FRMPD4: variants seen among roughly 807,000 people sequenced by gnomAD.
The protein encoded by FRMPD4 is FERM and PDZ domain-containing protein 4.
FRMPD4 carries 22 observed loss-of-function variants against 94.1 expected under a neutral mutation model. The observed-to-expected ratio is 0.23, with a 90% CI of 0.17 to 0.33. FRMPD4 has a LOEUF of 0.33. FRMPD4 is among the 10% of genes least tolerant of loss of function. The pLI is 1.00. For synonymous variants in FRMPD4, 631 were observed against 548.6 expected, an observed-to-expected ratio of 1.15 and a Z score of -2.10; for missense variants, 1,111 against 1,339.9, an observed-to-expected ratio of 0.83 and a Z score of 2.67.
At chrX:12,720,080 A>AAGAAAGAAAGAG (rs1555898504) in intron 16 of FRMPD4, among the ~76,000 whole-genome samples, 13 of 74,630 alleles carry the variant, frequency 1.7e-4, no homozygotes, top group African/African-American at 7.0e-4. Flanking sequence ...GAAAGAAAGA[A>AAGAAAGAAAGAG]AGAGAAAGAA....
At chrX:11,875,552 A>C (rs1408459657) in intron 2 of FRMPD4, among the ~76,000 whole-genome samples, 1 of 111,974 alleles carries the variant, frequency 8.9e-6, no homozygotes, top group Admixed American at 9.4e-5. Flanking sequence ...TCCAGGCCGC[A>C]CTGAATATCC....
At chrX:12,621,962 AAGAAAG>A (rs1289503895) in intron 4 of FRMPD4, among the ~76,000 whole-genome samples, 6 of 85,190 alleles carry the variant, frequency 7.0e-5, no homozygotes, top group South Asian at 6.3e-4. Context: ...GAGAGAAAGA[AAGAAAG>A]AGAAAGAAAG....
At chrX:12,112,440 A>G (rs1170708858) in intron 3 of FRMPD4, among the ~76,000 whole-genome samples, 2 of 110,838 alleles carry the variant, frequency 1.8e-5, no homozygotes, top group Admixed American at 9.6e-5. Flanking sequence ...AGGGGGAGGG[A>G]TAACAGTAGG....
At chrX:12,698,091 G>A (rs1031292406) in intron 9 of FRMPD4, among the ~76,000 whole-genome samples, 2 of 111,879 alleles carry the variant, frequency 1.8e-5, no homozygotes, top group Admixed American at 9.5e-5. Flanking sequence ...CAAGCCTAGA[G>A]AACAAAAGAG....
intron 1 of FRMPD4, among the ~76,000 whole-genome samples, chrX:12,382,680 G>A (rs1476841915): frequency 9.0e-6 from 1 of 111,617 alleles, no homozygotes; most frequent in Admixed American, 9.5e-5. Flanking sequence ...GGACTACCGA[G>A]GAATGTGGGG....
intron 3 of FRMPD4, among the ~76,000 whole-genome samples, chrX:12,051,371 G>A (rs973950081): frequency 9.0e-6 from 1 of 111,613 alleles, no homozygotes; most frequent in Non-Finnish European, 1.9e-5. Context: ...AATTGAGAAG[G>A]AAAACTCTTA....
chrX:12,254,314 T>TA (rs2054085625), intron 1 of FRMPD4, among the ~76,000 whole-genome samples: 1 of 112,529 alleles, frequency 8.9e-6, no homozygotes. Flanking sequence ...ACCATTAGTC[T>TA]AGTCCTGAGG....
At chrX:12,369,679 G>GA (rs2034509632) in intron 1 of FRMPD4, among the ~76,000 whole-genome samples, 1 of 112,050 alleles carries the variant, frequency 8.9e-6, no homozygotes, top group East Asian at 2.8e-4. Flanking sequence ...TAGTTGGAGA[G>GA]AAAATGGCAG....
At chrX:12,601,465 G>C in intron 2 of FRMPD4, among the ~76,000 whole-genome samples, 1 of 111,643 alleles carries the variant, frequency 9.0e-6, no homozygotes, top group East Asian at 2.8e-4. Context: ...ATCCTGATTA[G>C]TGAGGGTTCC....
At chrX:12,551,073 T>G (rs2058532294) in intron 2 of FRMPD4, among the ~76,000 whole-genome samples, 1 of 111,070 alleles carries the variant, frequency 9.0e-6, no homozygotes, top group African/African-American at 3.3e-5. Flanking sequence ...TCTGAGCATG[T>G]TGTCTTAGTT....
chrX:12,574,424 T>A (rs7049960), intron 2 of FRMPD4, among the ~76,000 whole-genome samples: 4 of 111,467 alleles, frequency 3.6e-5, no homozygotes, highest in Non-Finnish European at 7.5e-5. Context: ...GAGAATATTC[T>A]GTTAGACATG....
At chrX:12,147,904 A>G (rs1415557833) in intron 1 of FRMPD4, among the ~76,000 whole-genome samples, 2 of 111,770 alleles carry the variant, frequency 1.8e-5, no homozygotes, top group Non-Finnish European at 3.8e-5. Context: ...TACTATTGCA[A>G]TTGTTTTGGG....
At chrX:12,658,276 T>C (rs1387626182) in intron 4 of FRMPD4, among the ~76,000 whole-genome samples, 1 of 112,143 alleles carries the variant, frequency 8.9e-6, no homozygotes, top group African/African-American at 3.2e-5. Flanking sequence ...GGGCCAAAAT[T>C]CATAAATATG....
intron 1 of FRMPD4, among the ~76,000 whole-genome samples, chrX:12,390,786 T>C (rs2056464193): frequency 8.9e-6 from 1 of 112,420 alleles, no homozygotes; most frequent in South Asian, 3.7e-4. Flanking sequence ...CTAAGTCTTC[T>C]TTATCTTTCC....
At chrX:12,428,323 T>C (rs901114516) in intron 1 of FRMPD4, among the ~76,000 whole-genome samples, 1 of 111,949 alleles carries the variant, frequency 8.9e-6, no homozygotes, top group African/African-American at 3.2e-5. Flanking sequence ...TAATTGCTTT[T>C]TGTGTTTATT....
intron 4 of FRMPD4, among the ~76,000 whole-genome samples, chrX:12,623,489 A>G (rs1461358436): frequency 3.5e-5 from 2 of 57,317 alleles, no homozygotes; most frequent in Non-Finnish European, 6.7e-5. Flanking sequence ...TAAAAAGAAT[A>G]AAAAAGAGTA....
chrX:12,505,294 CA>C (rs1350667023), intron 2 of FRMPD4, among the ~76,000 whole-genome samples: 3 of 111,918 alleles, frequency 2.7e-5, no homozygotes, highest in African/African-American at 9.8e-5. Flanking sequence ...GGCTGGGGCA[CA>C]GGCAGAAATT....
intron 3 of FRMPD4, among the ~76,000 whole-genome samples, chrX:11,878,579 T>TA (rs2053797652): frequency 8.9e-6 from 1 of 112,685 alleles, no homozygotes; most frequent in African/African-American, 3.2e-5. Context: ...TCTTGATAAA[T>TA]ACGTTTTTCT....
At position 12,141,951 on chromosome X, in the gene FRMPD4, T is replaced by G. The variant is rs944804331; in HGVS notation, c.41+2939T>G. Among the ~76,000 whole-genome samples, 14 of 112,161 alleles carry G rather than the reference T, an allele frequency of 1.2e-4. No homozygotes were observed. In the Admixed American group the frequency reaches 1.3e-3, roughly 11 times the overall value. On this transcript the variant is annotated intron_variant, in intron 1 of 16. Coordinates refer to ENST00000675598, the MANE Select transcript of FRMPD4 (RefSeq NM_001368397.1). The stretch of plus-strand genomic sequence containing the variant: ...AAAGCAGATGCATTCTTTCAAATGT[T>G]TATAGAAGAATGCAGTCCAGTAGAA...
Sources: allele counts gnomAD v4.1 joint callset (sites outside exome capture counted in the v4.1 genomes callset), GRCh38; gene constraint gnomAD v4.1.1; transcripts MANE v1.5; gene names NCBI Gene and HGNC (gene_info 2026-07-23, HGNC 2026-07-21).